The following LPL variants were observed in gnomAD, a reference collection of about 807,000 sequenced individuals.
LPL encodes phospholipase A1.
A neutral mutation model predicts 52.2 loss-of-function variants in LPL; 43 were observed. The ratio of observed to expected loss-of-function variants is 0.82; its 90% CI spans 0.64 to 1.06. LPL has a LOEUF of 1.06. LPL is among the 50% of genes least tolerant of loss of function. LPL has a pLI of 0.00. For missense variants in LPL, 639 were observed against 585.3 expected (o/e 1.09, Z -0.95); for synonymous variants, 244 against 215.6 (o/e 1.13, Z -1.15).
intron 6 of LPL, among the ~76,000 whole-genome samples, chr8:19,956,299 G>A (rs1481305252): frequency 1.3e-5 from 2 of 152,174 alleles, no homozygotes; most frequent in African/African-American, 4.8e-5. Flanking sequence ...CTCAGTGTGG[G>A]ATTTGCAGCC....
Position 19,939,713 on chromosome 8 carries a change from C to T in LPL, c.88+185C>T, listed in dbSNP as rs1027326510. On this transcript the variant is annotated intron_variant, in intron 1 of 9. Coordinates refer to ENST00000650287, the MANE Select transcript of LPL (RefSeq NM_000237.3). This position sits in a 1 kb window ranked among gnomAD's most constrained non-coding sequence, Gnocchi z 4.0. ...TCCAGGAGGGGCCGGGAGGGAATCTCCTCCCGATCGTGAAGCGGCGGCGCC... is the reference window on the plus strand; with the variant it reads ...TCCAGGAGGGGCCGGGAGGGAATCTTCTCCCGATCGTGAAGCGGCGGCGCC... Among the ~76,000 whole-genome samples, 5 of 152,202 alleles carry T rather than the reference C, an allele frequency of 3.3e-5. No homozygotes were observed. The highest frequency in any genetic ancestry group is 1.2e-4 in the African/African-American group (5 of 41,466).
chr8:19,962,520 T>A (rs2070048976), intron 9 of LPL, among the ~76,000 whole-genome samples: 1 of 152,206 alleles, frequency 6.6e-6, no homozygotes, highest in African/African-American at 2.4e-5. Flanking sequence ...TCTCCTTTTT[T>A]CTCTACTGCG....
At chr8:19,947,315 G>A (rs149161312) in intron 1 of LPL, among the ~76,000 whole-genome samples, 48 of 152,136 alleles carry the variant, frequency 3.2e-4, no homozygotes, top group East Asian at 2.1e-3. Flanking sequence ...GAACAGCCTG[G>A]CCAACATGGT....
intron 4 of LPL, 119 bp downstream of exon 4, chr8:19,953,540 C>A: frequency 4.1e-6 from 3 of 726,290 alleles, no homozygotes; most frequent in Non-Finnish European, 7.4e-6. Context: ...GGAGACATGA[C>A]CAGCACTTGA....
In LPL at chr8:19,939,490, G is replaced by C; in HGVS notation, c.50G>C (p.Ser17Thr). 6.2e-7 allele frequency: 1 copy of C among 1,610,856 alleles called. No individual in the cohort carries two copies. Among genetic ancestry groups the C allele is most frequent in the Non-Finnish European group, 8.5e-7 (1 of 1,179,168 alleles). The change falls in exon 1 of 10, where the codon AGT becomes ACT. Residue 17 changes from serine to threonine, a missense_variant. Ser to Thr is a moderately conservative substitution (Grantham distance 58). Coordinates refer to ENST00000650287, the MANE Select transcript of LPL (RefSeq NM_000237.3). The surrounding 1 kb of genome is among the most constrained non-coding windows in gnomAD (Gnocchi z 4.0). ...LVLTLAVWLQSLTASRGGVAA... is the reference protein window; with the variant it reads ...LVLTLAVWLQTLTASRGGVAA... ...CTGACTCTGGCCGTGTGGCTCCAGA[G>C]TCTGACCGCCTCCCGCGGAGGGGTG...
Position 19,951,820 on chromosome 8 carries a change from A to G in LPL, c.301A>G (p.Lys101Glu), listed in dbSNP as rs1374931528. Residue 101 changes from lysine (K) to glutamate (E), a missense_variant, in exon 3 of 10, where the codon AAG becomes GAG. Physicochemically the swap from Lys to Glu is moderately conservative, Grantham distance 56 (BLOSUM62 1). Transcript: ENST00000650287. Reference protein sequence around the residue: ...WVPKLVAALYKREPDSNVIVV... With the variant: ...WVPKLVAALYEREPDSNVIVV... ...GCCAAAACTTGTGGCCGCCCTGTAC[A>G]AGAGAGAACCAGACTCCAATGTCAT... The G allele has an allele frequency of 5.6e-6, 9 of 1,614,082 alleles. No individual in the cohort carries two copies. Among genetic ancestry groups the G allele is most frequent in the Non-Finnish European group, 7.6e-6 (9 of 1,180,040 alleles).
At chr8:19,948,478 C>A in intron 2 of LPL, 138 bp downstream of exon 2, 1 of 1,041,474 alleles carries the variant, frequency 9.6e-7, no homozygotes, top group Non-Finnish European at 1.4e-6. Context: ...AAAGACAGTT[C>A]TGGCTCAGGT....
chr8:19,949,641 C>G (rs1461759394), intron 2 of LPL, among the ~76,000 whole-genome samples: 1 of 152,158 alleles, frequency 6.6e-6, no homozygotes, highest in Non-Finnish European at 1.5e-5. Context: ...CACCACCACA[C>G]CCGGCCAATT....
At chr8:19,953,495 T>G in intron 4 of LPL, 74 bp downstream of exon 4, 1 of 1,104,740 alleles carries the variant, frequency 9.1e-7, no homozygotes, top group Non-Finnish European at 1.4e-6. Flanking sequence ...TCAGAACAAA[T>G]TTTGTTAAAT....
intron 5 of LPL, among the ~76,000 whole-genome samples, chr8:19,955,562 T>G (rs1001574113): frequency 1.7e-4 from 26 of 152,120 alleles, no homozygotes; most frequent in Admixed American, 4.6e-4. Flanking sequence ...ACCTCCACCT[T>G]GGAGGCTTAT....
chr8:19,956,246 T>A (rs1416366417), intron 6 of LPL, among the ~76,000 whole-genome samples, 163 bp downstream of exon 6: 1 of 152,202 alleles, frequency 6.6e-6, no homozygotes, highest in Admixed American at 6.5e-5. Flanking sequence ...ATTGATCCAT[T>A]TGTCTGAGGC....
intron 3 of LPL, among the ~76,000 whole-genome samples, chr8:19,952,722 G>C (rs2069946434): frequency 1.3e-5 from 2 of 152,130 alleles, no homozygotes; most frequent in African/African-American, 4.8e-5. Flanking sequence ...TGGGGCTCAG[G>C]CTTCTCACCT....
At chr8:19,958,727 A>C (rs295) in intron 6 of LPL, among the ~76,000 whole-genome samples, 41,796 of 152,026 alleles carry the variant, frequency 0.27, 6,119 homozygotes, top group African/African-American at 0.37. Flanking sequence ...TAGACACCTA[A>C]TCTGCGCTAG....
At chr8:19,964,426 A>G (rs563065343) in intron 9 of LPL, among the ~76,000 whole-genome samples, 2 of 152,314 alleles carry the variant, frequency 1.3e-5, no homozygotes, top group East Asian at 3.9e-4. Context: ...ATGTTACAAG[A>G]CTTTATCTGA....
Position 19,959,528 on chromosome 8 carries a change from T to C in LPL, c.1139+148T>C, listed in dbSNP as rs1021083781. On this transcript the variant is annotated intron_variant, in intron 7 of 9. Transcript: ENST00000650287. ...TTTCAAAATTGAGGTCTTTCCTCTA[T>C]TTGATATTGAGAAAAAAATGCTTCA... 7 of 1,016,620 alleles carry C rather than the reference T, an allele frequency of 6.9e-6. No homozygotes were observed. In the African/African-American group the frequency reaches 9.7e-5, roughly 14 times the overall value. 63.0% of individuals were successfully genotyped at this position (1,016,620 alleles called of 1,614,324 possible).
At position 19,944,837 on chromosome 8, in the gene LPL, A is replaced by G. The variant is rs2069869489; in HGVS notation, c.89-3343A>G. On this transcript the variant is annotated intron_variant, in intron 1 of 9. Transcript: ENST00000650287. The surrounding 1 kb of genome is among the most constrained non-coding windows in gnomAD (Gnocchi z 4.2). ...CATAGTCAGGAAAGGCACAATTTAT[A>G]ACTTGCGTGTTACCCAAAACTCTCC... 6.6e-6 allele frequency among the ~76,000 whole-genome samples: 1 copy of G among 152,222 alleles called. No homozygotes were observed. Among genetic ancestry groups the G allele is most frequent in the Non-Finnish European group, 1.5e-5 (1 of 68,038 alleles).
Position 19,962,192 on chromosome 8 carries a change from A to G in LPL, c.1400A>G (p.Asp467Gly). ...KAPAVFVKCH[D>G]KSLNKKSG ...CCTGCGGTATTTGTGAAATGCCATG[A>G]CAAGTCTCTGAATAAGAAGTCAGGC... The change falls in exon 9 of 10, where the codon GAC (aspartate) becomes GGC (glycine). Residue 467 changes from aspartate to glycine, a missense_variant. Physicochemically the swap from Asp to Gly is moderately conservative, Grantham distance 94 (BLOSUM62 -1). Transcript: ENST00000650287. 1 of 1,613,804 alleles carries G rather than the reference A, an allele frequency of 6.2e-7. No homozygotes were observed. The highest frequency in any genetic ancestry group is 8.5e-7 in the Non-Finnish European group (1 of 1,179,736).
chr8:19,961,158 G>T, intron 8 of LPL, 75 bp downstream of exon 8: 1 of 1,339,818 alleles, frequency 7.5e-7, no homozygotes, highest in Non-Finnish European at 1.1e-6. Context: ...TATTTCAGGG[G>T]CCTTCACAAT....
At chr8:19,952,929 CATATGT>C (rs2069948007) in intron 3 of LPL, among the ~76,000 whole-genome samples, 1 of 152,090 alleles carries the variant, frequency 6.6e-6, no homozygotes, top group South Asian at 2.1e-4. Context: ...AATGTATACG[CATATGT>C]ATATGTGTAT....
Sources: gnomAD v4.1 joint callset for allele counts (sites outside exome capture counted in the v4.1 genomes callset) on GRCh38, gnomAD v4.1.1 for gene constraint, Gnocchi (gnomAD v3.1) non-coding constraint, MANE v1.5 for transcripts, NCBI Gene and HGNC (gene_info 2026-07-23, HGNC 2026-07-21) for gene names.